Variants in FHIT observed in about 807,000 individuals in gnomAD.
The protein encoded by FHIT is bis(5'-adenosyl)-triphosphatase.
Under a neutral mutation model 17.9 loss-of-function variants are expected in FHIT, and 19 were observed. The observed-to-expected ratio is 1.06, with a 90% CI of 0.74 to 1.56. The LOEUF (loss-of-function observed/expected upper bound fraction) is 1.56. Among genes scored for constraint, FHIT ranks in the 40% most tolerant of loss-of-function variants. FHIT has a pLI of 0.00. For synonymous variants in FHIT, 81 were observed against 69.7 expected (o/e 1.16, Z -0.81); for missense variants, 248 against 189.2 (o/e 1.31, Z -1.82).
intron 8 of FHIT, among the ~76,000 whole-genome samples, chr3:59,907,927 G>T (rs1483027208): frequency 6.6e-6 from 1 of 152,114 alleles, no homozygotes; most frequent in Non-Finnish European, 1.5e-5. Flanking sequence ...GCCATTGATG[G>T]CCAGTTGAAT....
chr3:59,924,293 G>C (rs1705549381), intron 7 of FHIT, among the ~76,000 whole-genome samples: 1 of 151,694 alleles, frequency 6.6e-6, no homozygotes, highest in Non-Finnish European at 1.5e-5. Flanking sequence ...TCTTCTTTCT[G>C]TCCCCCTCCT....
chr3:60,241,895 T>G lies in FHIT; in HGVS notation c.104-227743A>C, dbSNP rs56307736. On this transcript the variant is annotated intron_variant, in intron 5 of 9. Coordinates refer to ENST00000492590, the MANE Select transcript of FHIT (RefSeq NM_002012.4). ...ATCATCATCACCTCTAGTAATTTTG[T>G]AATTCATTACAGTAATTTATCTAAG... 6.1e-3 allele frequency among the ~76,000 whole-genome samples: 936 copies of G among 152,296 alleles called. 6 individuals are homozygous for G. Among genetic ancestry groups the G allele is most frequent in the African/African-American group, 0.021 (855 of 41,576 alleles).
chr3:61,219,997 TG>T (rs2039794302), intron 1 of FHIT, among the ~76,000 whole-genome samples: 1 of 152,216 alleles, frequency 6.6e-6, no homozygotes, highest in Admixed American at 6.5e-5. Flanking sequence ...TTGCCTCTAT[TG>T]TTGCATTCTG....
At chr3:60,005,315 CAAT>C (rs1463386737) in intron 7 of FHIT, among the ~76,000 whole-genome samples, 1 of 23,962 alleles carries the variant, frequency 4.2e-5, no homozygotes, top group Non-Finnish European at 8.5e-5. Flanking sequence ...CGGAAAAACT[CAAT>C]GATTTGTATC....
intron 1 of FHIT, among the ~76,000 whole-genome samples, chr3:61,219,851 C>A (rs780567250): frequency 1.3e-5 from 2 of 152,160 alleles, no homozygotes; most frequent in Non-Finnish European, 2.9e-5. Context: ...AAAAATAGGT[C>A]TGAATTTAAA....
intron 4 of FHIT, among the ~76,000 whole-genome samples, chr3:60,636,174 G>T (rs2039579655): frequency 6.6e-6 from 1 of 151,958 alleles, no homozygotes; most frequent in African/African-American, 2.4e-5. Context: ...AGGTTCAAGT[G>T]AGTCTCCTGC....
chr3:61,050,283 A>C (rs1448835684), intron 2 of FHIT, among the ~76,000 whole-genome samples: 2 of 152,210 alleles, frequency 1.3e-5, no homozygotes, highest in Non-Finnish European at 2.9e-5. Flanking sequence ...GCCATCTTCA[A>C]AATATAGAGC....
At chr3:59,781,773 A>C (rs1191351851) in intron 8 of FHIT, among the ~76,000 whole-genome samples, 1 of 152,178 alleles carries the variant, frequency 6.6e-6, no homozygotes, top group Non-Finnish European at 1.5e-5. Flanking sequence ...TCCCAGATGA[A>C]GATTAGCTTA....
intron 5 of FHIT, among the ~76,000 whole-genome samples, chr3:60,058,296 A>G (rs991662529): frequency 3.3e-5 from 5 of 151,464 alleles, no homozygotes; most frequent in African/African-American, 1.2e-4. Flanking sequence ...ATGCCCAGCT[A>G]ATTTTTGTAT....
At chr3:61,249,933 AACACACACACAC>A (rs71100943) in intron 1 of FHIT, among the ~76,000 whole-genome samples, 10,348 of 126,048 alleles carry the variant, frequency 0.082, 592 homozygotes, top group African/African-American at 0.16. Context: ...AATCAATAAC[AACACACACACAC>A]ACACACACAC....
At chr3:59,946,852 G>A (rs541485889) in intron 7 of FHIT, among the ~76,000 whole-genome samples, 1 of 152,298 alleles carries the variant, frequency 6.6e-6, no homozygotes, top group Admixed American at 6.5e-5. Flanking sequence ...TTGCATGCCA[G>A]GGATAAAGCC....
chr3:61,211,495 T>G (rs1560079606), intron 1 of FHIT, among the ~76,000 whole-genome samples: 1 of 152,166 alleles, frequency 6.6e-6, no homozygotes, highest in African/African-American at 2.4e-5. Context: ...TAAACAAAGC[T>G]GCCAGGAAGC....
At chr3:61,005,567 T>C (rs1456179483) in intron 3 of FHIT, among the ~76,000 whole-genome samples, 1 of 152,208 alleles carries the variant, frequency 6.6e-6, no homozygotes, top group Non-Finnish European at 1.5e-5. Context: ...GAAGAATTCC[T>C]TAAATAAGGT....
chr3:60,098,213 T>A (rs1415581577), intron 5 of FHIT, among the ~76,000 whole-genome samples: 1 of 139,582 alleles, frequency 7.2e-6, no homozygotes, highest in African/African-American at 2.6e-5. Flanking sequence ...TGATTTATAA[T>A]CCTTTGGGTA....
At chr3:60,738,500 C>T (rs1371397629) in intron 4 of FHIT, among the ~76,000 whole-genome samples, 1 of 152,166 alleles carries the variant, frequency 6.6e-6, no homozygotes. Context: ...GGCTCAGAGT[C>T]CTATCTGTCT....
chr3:60,076,373 C>A (rs1004356867), intron 5 of FHIT, among the ~76,000 whole-genome samples: 3 of 151,978 alleles, frequency 2.0e-5, no homozygotes, highest in Non-Finnish European at 4.4e-5. Context: ...CTCAGAAAAG[C>A]CTATTTCTCT....
chr3:60,360,836 C>T (rs1559851938), intron 5 of FHIT, among the ~76,000 whole-genome samples: 1 of 152,180 alleles, frequency 6.6e-6, no homozygotes, highest in Non-Finnish European at 1.5e-5. Context: ...GCTGCCTCAA[C>T]TTCACCTTCA....
chr3:59,948,781 CTATT>C (rs1023308991), intron 7 of FHIT, among the ~76,000 whole-genome samples: 2 of 151,994 alleles, frequency 1.3e-5, no homozygotes, highest in Non-Finnish European at 2.9e-5. Context: ...AATGAAATGT[CTATT>C]TATGTCTTTT....
chr3:59,772,014 A>T (rs778639925), intron 8 of FHIT, among the ~76,000 whole-genome samples: 2 of 152,232 alleles, frequency 1.3e-5, no homozygotes, highest in Non-Finnish European at 2.9e-5. Flanking sequence ...CAGCAACTTT[A>T]TGACACACTA....
Sources: gnomAD v4.1 joint callset for allele counts (sites outside exome capture counted in the v4.1 genomes callset) on GRCh38, gnomAD v4.1.1 for gene constraint, MANE v1.5 for transcripts, NCBI Gene and HGNC (gene_info 2026-07-23, HGNC 2026-07-21) for gene names.